Variants in CDKAL1 observed in about 807,000 individuals in gnomAD.
CDKAL1 encodes threonylcarbamoyladenosine tRNA methylthiotransferase.
Under a neutral mutation model 68.2 loss-of-function variants are expected in CDKAL1, and 32 were observed. The observed-to-expected ratio is 0.47, with a 90% confidence interval of 0.35 to 0.63. The LOEUF (loss-of-function observed/expected upper bound fraction) is 0.63. CDKAL1 is among the 30% of genes least tolerant of loss of function. CDKAL1 has a pLI of 0.00. For synonymous variants in CDKAL1, 234 were observed against 244.3 expected, an observed-to-expected ratio of 0.96 and a Z score of 0.39; for missense variants, 606 against 696.7, an observed-to-expected ratio of 0.87 and a Z score of 1.47.
intron 4 of CDKAL1, among the ~76,000 whole-genome samples, chr6:20,638,675 G>A (rs906859660): frequency 6.7e-6 from 1 of 150,054 alleles, no homozygotes; most frequent in East Asian, 2.0e-4. Context: ...GCAGTGGCGC[G>A]ATCTCAGCTC....
At chr6:21,131,969 T>A (rs1775343178) in intron 13 of CDKAL1, among the ~76,000 whole-genome samples, 1 of 152,048 alleles carries the variant, frequency 6.6e-6, no homozygotes, top group African/African-American at 2.4e-5. Flanking sequence ...AGGAAAAAAA[T>A]TTAACCTATC....
chr6:20,701,865 C>A lies in CDKAL1; in HGVS notation c.372-37654C>A, dbSNP rs1043342038. Among the ~76,000 whole-genome samples, 8 of 152,088 alleles carry A rather than the reference C, an allele frequency of 5.3e-5. No individual in the cohort carries two copies. The East Asian group carries it at 1.5e-3, about 29-fold the overall frequency. On this transcript the variant is annotated intron_variant, in intron 5 of 15. Coordinates refer to ENST00000274695, the MANE Select transcript of CDKAL1 (RefSeq NM_017774.3). ...CTTGTTTTTAGTAGAAATCAGCTTT[C>A]TTGAAGGATAAGAGATTGATTAGAA...
intron 15 of CDKAL1, among the ~76,000 whole-genome samples, chr6:21,205,210 A>G (rs1007599342): frequency 2.0e-4 from 30 of 152,222 alleles, no homozygotes; most frequent in Non-Finnish European, 3.7e-4. Flanking sequence ...ATTGGTGGAC[A>G]TTTAGGTTGC....
chr6:21,042,687 T>C (rs1582083839), intron 11 of CDKAL1, among the ~76,000 whole-genome samples: 1 of 152,288 alleles, frequency 6.6e-6, no homozygotes, highest in Non-Finnish European at 1.5e-5. Context: ...TTGTATTCTG[T>C]CATGTCTGTT....
intron 4 of CDKAL1, among the ~76,000 whole-genome samples, chr6:20,572,752 C>T (rs1764754675): frequency 6.6e-6 from 1 of 151,664 alleles, no homozygotes; most frequent in African/African-American, 2.4e-5. Context: ...CTTCATGTGC[C>T]TGGCAAGATA....
rs1763715903 is a variant in CDKAL1, at chr6:20,549,083, G to T, written c.286+378G>T. Among the ~76,000 whole-genome samples the T allele has an allele frequency of 3.3e-5, 5 of 151,870 alleles. 1 individual carries two copies. The South Asian group carries it at 1.0e-3, about 32-fold the overall frequency. ...GTTTTCCCATTAACTTCCTTTTTCT[G>T]TCCCAAGATCTAATGTTGGGTCCCA... On this transcript the variant is annotated intron_variant, in intron 4 of 15. Transcript: ENST00000274695.
At chr6:20,592,071 T>C (rs1399693084) in intron 4 of CDKAL1, among the ~76,000 whole-genome samples, 1 of 152,172 alleles carries the variant, frequency 6.6e-6, no homozygotes, top group Admixed American at 6.6e-5. Context: ...TAGTTCTCCT[T>C]GAAGAGGTCC....
At chr6:21,123,298 T>C (rs1395545024) in intron 13 of CDKAL1, among the ~76,000 whole-genome samples, 2 of 151,748 alleles carry the variant, frequency 1.3e-5, no homozygotes, top group East Asian at 1.9e-4. Flanking sequence ...CTACAAAAAA[T>C]AGAAAAATTA....
rs143002596 is a variant in CDKAL1, at chr6:21,122,699, A to G, written c.1299+14236A>G. Among the ~76,000 whole-genome samples the G allele has an allele frequency of 3.4e-3, 514 of 152,000 alleles. 3 individuals are homozygous for G. The highest frequency in any genetic ancestry group is 0.012 in the African/African-American group (498 of 41,452). ...GTCCAGGCTAGAGTACAGTGCCACA[A>G]TGATATAGCTCACTGCAGCCTCGAA... On this transcript the variant is annotated intron_variant, in intron 13 of 15. Coordinates refer to ENST00000274695, the MANE Select transcript of CDKAL1 (RefSeq NM_017774.3).
chr6:20,543,551 C>A (rs183943725), intron 2 of CDKAL1, among the ~76,000 whole-genome samples: 1 of 152,042 alleles, frequency 6.6e-6, no homozygotes, highest in Non-Finnish European at 1.5e-5. Context: ...GACTTTTCAG[C>A]CTCTTAATAG....
Position 20,622,624 on chromosome 6 carries a change from T to A in CDKAL1, c.287-26669T>A, listed in dbSNP as rs541310664. On this transcript the variant is annotated intron_variant, in intron 4 of 15. Coordinates refer to ENST00000274695, the MANE Select transcript of CDKAL1 (RefSeq NM_017774.3). ...TGATGTTGTTCTTTGCTTATTTTATTTCTTGTGTTTAGTTCATTGGGTTCA... is the reference window on the plus strand; with the variant it reads ...TGATGTTGTTCTTTGCTTATTTTATATCTTGTGTTTAGTTCATTGGGTTCA... Among the ~76,000 whole-genome samples, 7 of 152,236 alleles carry A rather than the reference T, an allele frequency of 4.6e-5. No individual in the cohort carries two copies. The East Asian group carries it at 1.3e-3, about 29-fold the overall frequency.
intron 12 of CDKAL1, among the ~76,000 whole-genome samples, chr6:21,096,916 T>C (rs1264579842): frequency 5.3e-5 from 8 of 152,354 alleles, no homozygotes; most frequent in African/African-American, 1.7e-4. Flanking sequence ...AGTGTGAGAA[T>C]AGTTATCTTG....
At chr6:20,648,420 G>A (rs998656605) in intron 4 of CDKAL1, among the ~76,000 whole-genome samples, 6 of 151,858 alleles carry the variant, frequency 4.0e-5, no homozygotes, top group East Asian at 1.9e-4. Flanking sequence ...GAGCCACTGC[G>A]CCCGGTAGAA....
In CDKAL1 at chr6:20,820,177, G is replaced by T. The variant is rs142298904; in HGVS notation, c.639-25898G>T. Among the ~76,000 whole-genome samples the T allele has an allele frequency of 4.3e-4, 65 of 152,264 alleles. No homozygotes were observed. In the East Asian group the frequency reaches 0.011, roughly 26 times the overall value. Reference sequence around the variant, plus strand: ...TATGTAGGCTGCATTGTCACCCACAGTTCCTCCCACACAAGTTGCTAGCGG... The same window carrying T: ...TATGTAGGCTGCATTGTCACCCACATTTCCTCCCACACAAGTTGCTAGCGG... On this transcript the variant is annotated intron_variant, in intron 8 of 15. Coordinates refer to ENST00000274695, the MANE Select transcript of CDKAL1 (RefSeq NM_017774.3).
intron 9 of CDKAL1, among the ~76,000 whole-genome samples, chr6:20,870,736 A>G (rs1760168473): frequency 6.6e-6 from 1 of 152,244 alleles, no homozygotes; most frequent in South Asian, 2.1e-4. Context: ...GACTTTGGGC[A>G]AATAATTTAA....
intron 12 of CDKAL1, among the ~76,000 whole-genome samples, chr6:21,072,187 G>A (rs1241389020): frequency 6.6e-6 from 1 of 152,110 alleles, no homozygotes; most frequent in African/African-American, 2.4e-5. Context: ...CAGGCTCTGC[G>A]TATTTACTTC....
intron 8 of CDKAL1, among the ~76,000 whole-genome samples, chr6:20,786,878 G>A (rs577635824): frequency 4.4e-4 from 67 of 152,050 alleles, no homozygotes; most frequent in Admixed American, 2.0e-4. Context: ...TAAAAAATTG[G>A]AAATTGTGGC....
intron 4 of CDKAL1, among the ~76,000 whole-genome samples, chr6:20,600,686 CTTTTAT>C (rs1766043376): frequency 6.7e-6 from 1 of 148,282 alleles, no homozygotes; most frequent in Non-Finnish European, 1.5e-5. Flanking sequence ...AGATATGATA[CTTTTAT>C]TTATAGTGAT....
chr6:21,076,147 G>T (rs1211571759), intron 12 of CDKAL1, among the ~76,000 whole-genome samples: 1 of 152,154 alleles, frequency 6.6e-6, no homozygotes, highest in Non-Finnish European at 1.5e-5. Context: ...GGACATTCTT[G>T]TGGGGGTTAG....
Sources: allele counts gnomAD v4.1 joint callset (sites outside exome capture counted in the v4.1 genomes callset), GRCh38; gene constraint gnomAD v4.1.1; transcripts MANE v1.5; gene names NCBI Gene and HGNC (gene_info 2026-07-23, HGNC 2026-07-21).